Variants in UGT1A7 observed in about 807,000 individuals in gnomAD.
UGT1A7 encodes the protein UDP glucuronosyltransferase family 1 member A7, also known as UDP-glucuronosyltransferase 1A7.
A neutral mutation model predicts 45.6 loss-of-function variants in UGT1A7; 33 were observed. That is an observed-to-expected ratio of 0.72 (90% CI 0.55 to 0.97). The LOEUF is 0.97. Ranked by LOEUF, UGT1A7 falls within the 50% of genes least tolerant of loss-of-function variation. UGT1A7 has a pLI of 0.00. For synonymous variants in UGT1A7, 274 were observed against 250.6 expected (o/e 1.09, Z -0.88); for missense variants, 684 against 666.2 (o/e 1.03, Z -0.29).
At chr2:233,761,199 A>G (rs767135825) in intron 1 of UGT1A7, 6 of 1,614,054 alleles carry the variant, frequency 3.7e-6, no homozygotes, top group Admixed American at 1.7e-5. Flanking sequence ...TTTCAGATGT[A>G]TTACTTTGGA....
chr2:233,733,374 C>T (rs1046101046), intron 1 of UGT1A7, among the ~76,000 whole-genome samples: 17 of 152,240 alleles, frequency 1.1e-4, no homozygotes, highest in Middle Eastern at 3.4e-3. Context: ...AGAGGTCATC[C>T]TTGTTTTGTG....
At chr2:233,698,345 A>G (rs2075437206) in intron 1 of UGT1A7, among the ~76,000 whole-genome samples, 1 of 152,242 alleles carries the variant, frequency 6.6e-6, no homozygotes, top group African/African-American at 2.4e-5. Flanking sequence ...TCAGTTGCAA[A>G]ACATGAATGT....
At position 233,747,983 on chromosome 2, in the gene UGT1A7, C is replaced by G. The variant is rs539831908; in HGVS notation, c.856-19051C>G. ...TCAGCCATGCATCTGTGTGGCTGTT[C>G]CGAGGGGACTTTGTGATGGATTACC... On this transcript the variant is annotated intron_variant, in intron 1 of 4. Transcript: ENST00000373426. The G allele has an allele frequency of 4.2e-5, 67 of 1,613,418 alleles. 2 individuals are homozygous for G. In the African/African-American group the frequency reaches 7.6e-4, roughly 18 times the overall value.
At chr2:233,758,199 G>A (rs1696818445) in intron 1 of UGT1A7, among the ~76,000 whole-genome samples, 1 of 152,212 alleles carries the variant, frequency 6.6e-6, no homozygotes, top group African/African-American at 2.4e-5. Context: ...TTGCTTAGTA[G>A]TGGTTCTCTG....
chr2:233,736,427 G>A (rs986034532), intron 1 of UGT1A7, among the ~76,000 whole-genome samples: 6 of 152,022 alleles, frequency 3.9e-5, no homozygotes, highest in Admixed American at 3.3e-4. Flanking sequence ...TTTTTTCAAG[G>A]TTCAACCTTC....
At chr2:233,730,791 G>A (rs530253240) in intron 1 of UGT1A7, among the ~76,000 whole-genome samples, 3 of 152,260 alleles carry the variant, frequency 2.0e-5, no homozygotes, top group African/African-American at 7.2e-5. Context: ...TGGGGACAGT[G>A]ATGAATGGAC....
intron 1 of UGT1A7, chr2:233,719,195 T>C (rs538577466): frequency 1.4e-5 from 23 of 1,614,258 alleles, no homozygotes; most frequent in Admixed American, 1.2e-4. Context: ...TGGCCCTTCA[T>C]AGGTGTTGTG....
chr2:233,729,233 T>G, intron 1 of UGT1A7: 1 of 1,614,178 alleles, frequency 6.2e-7, no homozygotes, highest in South Asian at 1.1e-5. Flanking sequence ...GTGGTGCCCA[T>G]TGATGGCAGC....
chr2:233,718,143 A>G (rs1479667470), intron 1 of UGT1A7: 3 of 227,078 alleles, frequency 1.3e-5, no homozygotes, highest in Non-Finnish European at 2.8e-5. Flanking sequence ...AGAATCCTCA[A>G]TAAAGCCTTC....
At chr2:233,767,332 A>C (rs34743975) in intron 2 of UGT1A7, among the ~76,000 whole-genome samples, 167 bp downstream of exon 2, 47 of 152,148 alleles carry the variant, frequency 3.1e-4, no homozygotes, top group Admixed American at 1.7e-3. Flanking sequence ...GGTTGTTGTC[A>C]TTGTTTTCAA....
intron 1 of UGT1A7, chr2:233,691,756 C>T: frequency 1.9e-6 from 1 of 515,634 alleles, no homozygotes; most frequent in African/African-American, 2.1e-5. Flanking sequence ...CTTTCTGACT[C>T]CTGCTCTAGG....
chr2:233,696,987 C>T lies in UGT1A7; in HGVS notation c.855+14195C>T, dbSNP rs541044034. On this transcript the variant is annotated intron_variant, in intron 1 of 4. Coordinates refer to ENST00000373426, the MANE Select transcript of UGT1A7 (RefSeq NM_019077.3). ...TATTGGATTTGGTTTGCTGGTGTTT[C>T]GTTGAGATTTTTGCATCTATGTTCG... Among the ~76,000 whole-genome samples, 10 of 152,010 alleles carry T rather than the reference C, an allele frequency of 6.6e-5. 1 individual carries two copies. The South Asian group carries it at 1.7e-3, about 25-fold the overall frequency.
chr2:233,689,246 T>C (rs2074933289), intron 1 of UGT1A7, among the ~76,000 whole-genome samples: 1 of 152,204 alleles, frequency 6.6e-6, no homozygotes, highest in African/African-American at 2.4e-5. Flanking sequence ...CTGTGAGTGA[T>C]TCAGACTTGA....
intron 1 of UGT1A7, chr2:233,760,668 T>C: frequency 6.2e-7 from 1 of 1,614,252 alleles, no homozygotes; most frequent in Non-Finnish European, 8.5e-7. Context: ...TGTCTGGCTG[T>C]TCCCACTTAC....
chr2:233,754,946 G>A, intron 1 of UGT1A7: 1 of 1,327,700 alleles, frequency 7.5e-7, no homozygotes, highest in Non-Finnish European at 1.0e-6. Context: ...AGGAGAATGG[G>A]TCCCGGCCGC....
At chr2:233,767,390 G>C (rs946979684) in intron 2 of UGT1A7, among the ~76,000 whole-genome samples, 5 of 152,078 alleles carry the variant, frequency 3.3e-5, no homozygotes, top group Admixed American at 2.6e-4. Context: ...ACACTCAGAA[G>C]TATCATTTTC....
intron 1 of UGT1A7, 105 bp from the exon 2 acceptor site, chr2:233,766,928 CT>C: frequency 6.3e-7 from 1 of 1,578,028 alleles, no homozygotes; most frequent in Non-Finnish European, 8.6e-7. Flanking sequence ...ACACGCATGC[CT>C]TTAATCATAG....
Position 233,693,326 on chromosome 2 carries a change from C to T in UGT1A7, c.855+10534C>T. ...TGCTGAGCGATCATTCCTAACTGCT[C>T]CTCAGACAGAGTACAGGAATAACAT... On this transcript the variant is annotated intron_variant, in intron 1 of 4. Transcript: ENST00000373426. 6.2e-7 allele frequency: 1 copy of T among 1,614,202 alleles called. No homozygotes were observed. Among genetic ancestry groups the T allele is most frequent in the Non-Finnish European group, 8.5e-7 (1 of 1,180,044 alleles).
rs958350621 is a variant in UGT1A7 at position 233,758,917 on chromosome 2, C to G, written c.856-8117C>G. ...ACAAATTTGAGTTGTTTTTGCTCAT[C>G]TTTCCCTTTTGACTTCAAATCAGTC... On this transcript the variant is annotated intron_variant, in intron 1 of 4. Coordinates refer to ENST00000373426, the MANE Select transcript of UGT1A7 (RefSeq NM_019077.3). Among the ~76,000 whole-genome samples the G allele has an allele frequency of 5.9e-5, 9 of 152,224 alleles. 1 individual carries two copies. Among genetic ancestry groups the G allele is most frequent in the Admixed American group, 3.3e-4 (5 of 15,286 alleles).
Sources: allele counts gnomAD v4.1 joint callset (sites outside exome capture counted in the v4.1 genomes callset), GRCh38; gene constraint gnomAD v4.1.1; transcripts MANE v1.5; gene names NCBI Gene and HGNC (gene_info 2026-07-23, HGNC 2026-07-21).